MYO1C: variants seen among roughly 807,000 people sequenced by gnomAD.
MYO1C encodes myosin IC.
A neutral mutation model predicts 150.8 loss-of-function variants in MYO1C; 104 were observed. That is an observed-to-expected ratio of 0.69 (90% CI 0.59 to 0.81). The LOEUF (loss-of-function observed/expected upper bound fraction) is 0.81, where lower values mean the gene tolerates loss of function less well. Ranked by LOEUF, MYO1C falls within the 30% of genes least tolerant of loss-of-function variation. MYO1C has a pLI of 0.00. For missense variants in MYO1C, 1,504 were observed against 1,435.0 expected, an observed-to-expected ratio of 1.05 and a Z score of -0.78; for synonymous variants, 663 against 579.9, an observed-to-expected ratio of 1.14 and a Z score of -2.06.
intron 1 of MYO1C, chr17:1,485,775 TGGCGGCGGC>T (rs934285562): frequency 2.2e-4 from 222 of 1,001,628 alleles, no homozygotes; most frequent in African/African-American, 1.8e-3. Context: ...TCGGCGGCGG[TGGCGGCGGC>T]GTCAGCGAGG....
chr17:1,479,320 C>A lies in MYO1C; in HGVS notation c.1092+111G>T. ...CACTCTGCTTCTCTGAGCAGCCTTCCTTCCATCCCTCCAGCATTGCTGAGG... is the reference window on the plus strand; with the variant it reads ...CACTCTGCTTCTCTGAGCAGCCTTCATTCCATCCCTCCAGCATTGCTGAGG... On this transcript the variant is annotated intron_variant, in intron 9 of 31. Coordinates refer to ENST00000648651, the MANE Select transcript of MYO1C (RefSeq NM_001080779.2). The surrounding 1 kb of genome is among the most constrained non-coding windows in gnomAD (Gnocchi z 4.2). The A allele has an allele frequency of 1.3e-6, 1 of 740,774 alleles. No individual in the cohort carries two copies. Among genetic ancestry groups the A allele is most frequent in the South Asian group, 1.5e-5 (1 of 66,532 alleles). The allele number at this position is 740,774 out of a possible 1,614,324, so 45.9% of individuals were successfully genotyped here. A position where few individuals can be genotyped will look rare whatever the true frequency, so the allele number is the denominator to read the frequency against.
Position 1,478,549 on chromosome 17 carries a change from G to C in MYO1C, c.1213-57C>G. 6.2e-7 allele frequency: 1 copy of C among 1,613,758 alleles called. No homozygotes were observed. The highest frequency in any genetic ancestry group is 1.3e-5 in the African/African-American group (1 of 75,056). On this transcript the variant is annotated intron_variant, in intron 10 of 31. Transcript: ENST00000648651. The surrounding 1 kb of genome is among the most constrained non-coding windows in gnomAD (Gnocchi z 6.3). ...CCCCTGCGCGTGCCAGCCCCACCCT[G>C]CAGCACCCCCCGCCTCGCCGACGGC...
At chr17:1,474,003 C>G (rs536861228) in intron 17 of MYO1C, among the ~76,000 whole-genome samples, 37 of 152,262 alleles carry the variant, frequency 2.4e-4, no homozygotes, top group Admixed American at 1.1e-3. Context: ...AGACACATGA[C>G]AGCAACCGCA....
chr17:1,467,634 G>GCCCCC, intron 29 of MYO1C, 57 bp from the exon 30 acceptor site: 3 of 936,506 alleles, frequency 3.2e-6, no homozygotes, highest in African/African-American at 5.7e-5. Context: ...AGGAACCCCC[G>GCCCCC]CCCCACCTCC....
rs781730391 is a variant in MYO1C at position 1,478,629 on chromosome 17, G to A, written c.1199C>T (p.Ser400Leu). The change falls in exon 10 of 32, where the codon TCG becomes TTG. Residue 400 changes from serine (S) to leucine (L), a missense_variant. By Grantham distance (145) the Ser-to-Leu change is moderately radical. Coordinates refer to ENST00000648651, the MANE Select transcript of MYO1C (RefSeq NM_001080779.2). The surrounding 1 kb of genome is among the most constrained non-coding windows in gnomAD (Gnocchi z 6.3). ...FTWLVGKINR[S>L]LASKDVESPS... Reference sequence around the variant, plus strand: ...CCGAGCCCTCACCTTGGAGGCCAGCGACCTGTTGATCTTCCCGACGAGCCA... The same window carrying A: ...CCGAGCCCTCACCTTGGAGGCCAGCAACCTGTTGATCTTCCCGACGAGCCA... The A allele has an allele frequency of 2.5e-6, 4 of 1,613,946 alleles. No individual in the cohort carries two copies. The highest frequency in any genetic ancestry group is 1.7e-5 in the Admixed American group (1 of 59,996).
At chr17:1,474,905 G>T (rs763843794) in intron 15 of MYO1C, 33 bp downstream of exon 15, 2 of 1,612,168 alleles carry the variant, frequency 1.2e-6, no homozygotes, top group Admixed American at 3.3e-5. Flanking sequence ...CTCCCCGCAG[G>T]CCCCTGTGGG....
intron 29 of MYO1C, 94 bp from the exon 30 acceptor site, chr17:1,467,671 AC>A (rs2074204386): frequency 5.0e-6 from 3 of 605,054 alleles, no homozygotes; most frequent in Admixed American, 4.3e-5. Flanking sequence ...CCCCAAATCC[AC>A]CCCCATCCAC....
chr17:1,484,020 C>A (rs1222807361), intron 2 of MYO1C, 128 bp downstream of exon 2: 2 of 1,229,482 alleles, frequency 1.6e-6, no homozygotes, highest in African/African-American at 3.1e-5. Context: ...CCAGCCTGGG[C>A]AACAAGAGTG....
rs116597205 is a variant in MYO1C at position 1,477,820 on chromosome 17, A to G, written c.1482+71T>C. ...TCTGGCCCTCCGTGGACCAGCCTGGAGAGAACGGAGAAGGGGGACATCCTC... is the reference window on the plus strand; with the variant it reads ...TCTGGCCCTCCGTGGACCAGCCTGGGGAGAACGGAGAAGGGGGACATCCTC... On this transcript the variant is annotated intron_variant, in intron 13 of 31. Coordinates refer to ENST00000648651, the MANE Select transcript of MYO1C (RefSeq NM_001080779.2). The G allele has an allele frequency of 3.1e-4, 438 of 1,424,416 alleles. 1 individual carries two copies. The African/African-American group carries it at 5.8e-3, about 19-fold the overall frequency. 88.2% of individuals were successfully genotyped at this position (1,424,416 alleles called of 1,614,324 possible).
At chr17:1,471,033 G>A in intron 21 of MYO1C, 38 bp downstream of exon 21, 1 of 1,600,178 alleles carries the variant, frequency 6.2e-7, no homozygotes, top group East Asian at 2.2e-5. Context: ...TTCCCAGAAG[G>A]GACCCCGTGC....
Position 1,480,774 on chromosome 17 carries a change from C to G in MYO1C, c.739G>C (p.Gly247Arg). The change falls in exon 6 of 32, where the codon GGC becomes CGC. Residue 247 changes from glycine to arginine, a missense_variant. Coordinates refer to ENST00000648651, the MANE Select transcript of MYO1C (RefSeq NM_001080779.2). ...AGCCTGCGAAGAGTCTCCTCCTCGCCCCCCTCCAGCAGCTGGTAGAAGATG... is the reference window on the plus strand; with the variant it reads ...AGCCTGCGAAGAGTCTCCTCCTCGCGCCCCTCCAGCAGCTGGTAGAAGATG... ...FHIFYQLLEG[G>R]EEETLRRLGL... The G allele has an allele frequency of 6.2e-7, 1 of 1,614,118 alleles. No homozygotes were observed. The highest frequency in any genetic ancestry group is 8.5e-7 in the Non-Finnish European group (1 of 1,180,002).
rs766151617 is a variant in MYO1C, at chr17:1,479,732, G to C, written c.907-27C>G. 20 of 1,548,454 alleles carry C rather than the reference G, an allele frequency of 1.3e-5. No individual in the cohort carries two copies. The highest frequency in any genetic ancestry group is 8.1e-5 in the South Asian group (7 of 86,278). On this transcript the variant is annotated intron_variant, in intron 7 of 31. Coordinates refer to ENST00000648651, the MANE Select transcript of MYO1C (RefSeq NM_001080779.2). The surrounding 1 kb of genome is among the most constrained non-coding windows in gnomAD (Gnocchi z 4.2). ...TGGGGGAGCAGGCCGGGGGCAGGAG[G>C]GGGTGAGAGGGGCCAGAGAGCCCCA...
chr17:1,466,959 T>C (rs759292551), intron 31 of MYO1C, among the ~76,000 whole-genome samples: 85 of 151,578 alleles, frequency 5.6e-4, no homozygotes, highest in Non-Finnish European at 3.8e-4. Flanking sequence ...GGTTTTGCCA[T>C]GTTGGCCAGG....
At chr17:1,484,967 C>T in intron 1 of MYO1C, 1 of 507,262 alleles carries the variant, frequency 2.0e-6, no homozygotes, top group Non-Finnish European at 3.6e-6. Flanking sequence ...CCCCAGAGGG[C>T]CTCCCACCCC....
chr17:1,484,308 A>G lies in MYO1C; in HGVS notation c.76-5T>C, dbSNP rs1374401791. 8.7e-6 allele frequency: 14 copies of G among 1,608,906 alleles called. No individual in the cohort carries two copies. The East Asian group carries it at 3.1e-4, about 36-fold the overall frequency. On this transcript the variant is annotated splice_polypyrimidine_tract_variant and splice_region_variant and intron_variant, in intron 1 of 31. Transcript: ENST00000648651. ...AACCCCGTCACTGCCCAGGGCCTGC[A>G]GAGAATGGGCCACAGAAGAGGGTCA...
chr17:1,472,220 G>C lies in MYO1C; in HGVS notation c.1806C>G (p.Thr602=). 1.2e-6 allele frequency: 2 copies of C among 1,614,100 alleles called. No individual in the cohort carries two copies. The highest frequency in any genetic ancestry group is 2.2e-5 in the South Asian group (2 of 91,086). Residue 602 remains threonine (T), a synonymous_variant, in exon 18 of 32, where the codon ACC becomes ACG. Transcript: ENST00000648651. The part of the protein sequence containing the change: ...SDKKRPETVA[T]QFKMSLLQLV... The stretch of plus-strand genomic sequence containing the variant: ...GCTGCAGGAGGCTCATCTTGAACTG[G>C]GTGGCGACCTGGCGAGCCAAGAGGC...
intron 5 of MYO1C, chr17:1,481,208 G>A: frequency 2.6e-6 from 1 of 377,792 alleles, no homozygotes; most frequent in Non-Finnish European, 5.0e-6. Flanking sequence ...TCCTTGGTCA[G>A]TGGTGACTAC....
chr17:1,480,708 T>C lies in MYO1C; in HGVS notation c.805A>G (p.Lys269Glu). ...TGCCCTCCCTGCCAGCCACTCACCT[T>C]CACCAGGTACAGGTAGCTCTGGGGG... ...RNPQSYLYLVKGQCAKVSSIN... is the reference protein window; with the variant it reads ...RNPQSYLYLVEGQCAKVSSIN... The change falls in exon 6 of 32, where the codon AAG (lysine) becomes GAG (glutamate). Residue 269 changes from lysine (K) to glutamate (E), a missense_variant and splice_region_variant. Lys to Glu is a moderately conservative substitution (Grantham distance 56, BLOSUM62 1). Transcript: ENST00000648651. 1 of 1,614,098 alleles carries C rather than the reference T, an allele frequency of 6.2e-7. No homozygotes were observed. Among genetic ancestry groups the C allele is most frequent in the South Asian group, 1.1e-5 (1 of 91,082 alleles).
chr17:1,490,269 A>C (rs1251788464), intron 1 of MYO1C, among the ~76,000 whole-genome samples: 6 of 151,700 alleles, frequency 4.0e-5, no homozygotes, highest in Non-Finnish European at 7.4e-5. Flanking sequence ...AGGCCTAGGC[A>C]GGTGGATCAC....
Sources: gnomAD v4.1 joint callset for allele counts (sites outside exome capture counted in the v4.1 genomes callset) on GRCh38, gnomAD v4.1.1 for gene constraint, Gnocchi (gnomAD v3.1) non-coding constraint, MANE v1.5 for transcripts, NCBI Gene and HGNC (gene_info 2026-07-23, HGNC 2026-07-21) for gene names.